TEK: variants seen among roughly 807,000 people sequenced by gnomAD.
The protein encoded by TEK is angiopoietin-1 receptor.
TEK carries 43 observed loss-of-function variants against 131.8 expected under a neutral mutation model. That is an observed-to-expected ratio of 0.33 (90% confidence interval 0.26 to 0.42). The LOEUF is 0.42. Ranked by LOEUF, TEK falls within the 10% of genes least tolerant of loss-of-function variation. The pLI is 1.00. For synonymous variants in TEK, 580 were observed against 491.6 expected, an observed-to-expected ratio of 1.18 and a Z score of -2.38; for missense variants, 1,162 against 1,384.4, an observed-to-expected ratio of 0.84 and a Z score of 2.55.
chr9:27,179,944 C>T (rs1824300571), intron 6 of TEK, among the ~76,000 whole-genome samples: 1 of 152,176 alleles, frequency 6.6e-6, no homozygotes, highest in Non-Finnish European at 1.5e-5. Flanking sequence ...AATTCCCCTC[C>T]AGAATCTTCC....
intron 11 of TEK, 93 bp downstream of exon 11, chr9:27,192,716 TGA>T: frequency 2.1e-6 from 1 of 484,286 alleles, no homozygotes; most frequent in Non-Finnish European, 3.1e-6. Context: ...TGGTGGTGGG[TGA>T]GTGGGTGGGT....
intron 8 of TEK, among the ~76,000 whole-genome samples, chr9:27,185,040 C>CA (rs112626612): frequency 0.088 from 12,674 of 144,182 alleles, 726 homozygotes; most frequent in African/African-American, 0.17. Context: ...TGTTGTCTCT[C>CA]AAAAAAAAAA....
At chr9:27,143,283 G>A (rs962602741) in intron 1 of TEK, among the ~76,000 whole-genome samples, 1 of 152,142 alleles carries the variant, frequency 6.6e-6, no homozygotes. Context: ...CAACAGAGAC[G>A]GAGCTGGGAA....
intron 1 of TEK, among the ~76,000 whole-genome samples, chr9:27,114,857 C>T (rs1028670685): frequency 3.3e-5 from 5 of 152,236 alleles, no homozygotes; most frequent in Non-Finnish European, 5.9e-5. Flanking sequence ...ATAACATAGT[C>T]GTATTTTCTA....
chr9:27,173,166 G>A, intron 5 of TEK, 56 bp from the exon 6 acceptor site: 2 of 1,602,990 alleles, frequency 1.2e-6, no homozygotes, highest in South Asian at 2.2e-5. Context: ...AAAGAATTAT[G>A]TATTTCAAGG....
At chr9:27,165,747 T>G (rs986459083) in intron 2 of TEK, among the ~76,000 whole-genome samples, 2 of 152,188 alleles carry the variant, frequency 1.3e-5, no homozygotes, top group African/African-American at 4.8e-5. Context: ...GGAATGTGTC[T>G]GATTCCAGCG....
intron 1 of TEK, among the ~76,000 whole-genome samples, chr9:27,110,990 G>C (rs185140961): frequency 3.9e-5 from 6 of 151,906 alleles, no homozygotes; most frequent in Admixed American, 3.9e-4. Context: ...AGGGATTATA[G>C]TGATGTGAAG....
chr9:27,213,874 C>A (rs1042853136), intron 18 of TEK, among the ~76,000 whole-genome samples: 12 of 152,158 alleles, frequency 7.9e-5, no homozygotes, highest in African/African-American at 2.9e-4. Flanking sequence ...CTATCCAGTC[C>A]AGACCCCAAG....
At chr9:27,219,861 T>G (rs1303169699) in intron 20 of TEK, among the ~76,000 whole-genome samples, 188 bp from the exon 21 acceptor site, 1 of 152,190 alleles carries the variant, frequency 6.6e-6, no homozygotes, top group African/African-American at 2.4e-5. Flanking sequence ...ATGATCATGC[T>G]TTGGCATAGT....
In TEK at chr9:27,206,661, T is replaced by A. The variant is rs777012163; in HGVS notation, c.2444T>A (p.Ile815Asn). 4 of 1,613,876 alleles carry A rather than the reference T, an allele frequency of 2.5e-6. No individual in the cohort carries two copies. The East Asian group carries it at 6.7e-5, about 27-fold the overall frequency. The part of the protein sequence containing the change: ...RKVKNNPDPT[I>N]YPVLDWNDIK... ...GTCAAAAACAACCCAGATCCTACAA[T>A]TTATCCAGTGCTTGACTGGAATGAC... The change falls in exon 15 of 23, where the codon ATT (isoleucine) becomes AAT (asparagine). Residue 815 changes from isoleucine (I) to asparagine (N), a missense_variant. Ile to Asn is a moderately radical substitution (Grantham distance 149). Coordinates refer to ENST00000380036, the MANE Select transcript of TEK (RefSeq NM_000459.5).
chr9:27,134,039 C>A (rs547780449), intron 1 of TEK, among the ~76,000 whole-genome samples: 3 of 152,298 alleles, frequency 2.0e-5, no homozygotes, highest in East Asian at 3.9e-4. Context: ...GTATTTTCCA[C>A]TGGCTGTAGA....
chr9:27,129,662 C>T (rs902226031), intron 1 of TEK, among the ~76,000 whole-genome samples: 10 of 152,132 alleles, frequency 6.6e-5, no homozygotes, highest in Non-Finnish European at 1.5e-4. Flanking sequence ...AAAATATTTC[C>T]TTCATATTTT....
intron 2 of TEK, among the ~76,000 whole-genome samples, chr9:27,163,850 T>G (rs534511688): frequency 6.6e-6 from 1 of 152,236 alleles, no homozygotes; most frequent in East Asian, 1.9e-4. Context: ...AGGAGATGAC[T>G]GAAATTGAGC....
intron 2 of TEK, among the ~76,000 whole-genome samples, chr9:27,167,378 C>T (rs557989895): frequency 6.6e-6 from 1 of 152,186 alleles, no homozygotes; most frequent in East Asian, 1.9e-4. Context: ...AAGGCATGTC[C>T]CACCGTGCCC....
At chr9:27,219,812 G>A (rs955248004) in intron 20 of TEK, among the ~76,000 whole-genome samples, 5 of 152,070 alleles carry the variant, frequency 3.3e-5, no homozygotes, top group Non-Finnish European at 7.4e-5. Context: ...CTTAGAACAG[G>A]CACTAAGGAA....
intron 1 of TEK, 30 bp from the exon 2 acceptor site, chr9:27,157,801 T>A: frequency 6.2e-7 from 1 of 1,612,492 alleles, no homozygotes; most frequent in Non-Finnish European, 8.5e-7. Flanking sequence ...ATAACCTTAG[T>A]CATACATTAT....
At chr9:27,200,388 T>G (rs1279133883) in intron 12 of TEK, among the ~76,000 whole-genome samples, 1 of 152,186 alleles carries the variant, frequency 6.6e-6, no homozygotes, top group Non-Finnish European at 1.5e-5. Flanking sequence ...TTATCATATT[T>G]ATAGGATTAA....
intron 1 of TEK, among the ~76,000 whole-genome samples, chr9:27,151,609 G>A (rs1823129077): frequency 6.6e-6 from 1 of 152,122 alleles, no homozygotes; most frequent in African/African-American, 2.4e-5. Context: ...CCATTATGGT[G>A]TCTCATAAGC....
At position 27,192,618 on chromosome 9, in the gene TEK, C is replaced by G; in HGVS notation, c.1619C>G (p.Ser540Cys). 1 of 1,587,200 alleles carries G rather than the reference C, an allele frequency of 6.3e-7. No homozygotes were observed. The highest frequency in any genetic ancestry group is 8.6e-7 in the Non-Finnish European group (1 of 1,163,778). ...CCTGTGAGACGCTTCACAACAGCTT[C>G]TATCGGTCAGTGGAAGCCAACAGGC... ...PGPVRRFTTA[S>C]IGLPPPRGLN... The change falls in exon 11 of 23, where the codon TCT becomes TGT. Residue 540 changes from serine to cysteine, a missense_variant. Around this residue, in one of 6 missense-constraint regions of TEK, gnomAD observed 477 missense variants for 471.0 expected, o/e 1.01. Transcript: ENST00000380036.
Sources: gnomAD v4.1 joint callset for allele counts (sites outside exome capture counted in the v4.1 genomes callset) on GRCh38, gnomAD v4.1.1 for gene constraint, gnomAD v4.1.1 regional missense constraint, MANE v1.5 for transcripts, NCBI Gene and HGNC (gene_info 2026-07-23, HGNC 2026-07-21) for gene names.